Variants in NFKB1 observed in about 807,000 individuals in gnomAD.
NFKB1 encodes nuclear factor kappa B subunit 1, also known as nuclear factor NF-kappa-B p105 subunit.
NFKB1 carries 9 observed loss-of-function variants against 105.1 expected under a neutral mutation model. The ratio of observed to expected loss-of-function variants is 0.09; its 90% CI spans 0.05 to 0.15. The LOEUF is 0.15. Ranked by LOEUF, NFKB1 falls within the 10% of genes least tolerant of loss-of-function variation. The pLI, the probability that NFKB1 is intolerant of heterozygous loss-of-function variation, is 1.00. For synonymous variants in NFKB1, 440 were observed against 442.2 expected, an observed-to-expected ratio of 1.00 and a Z score of 0.06; for missense variants, 830 against 1,203.7, an observed-to-expected ratio of 0.69 and a Z score of 4.59.
intron 1 of NFKB1, among the ~76,000 whole-genome samples, chr4:102,509,373 A>G (rs757654770): frequency 1.3e-4 from 20 of 152,122 alleles, no homozygotes; most frequent in Non-Finnish European, 2.5e-4. Context: ...GTGGGGAAGT[A>G]TCCCATTTCT....
intron 5 of NFKB1, among the ~76,000 whole-genome samples, chr4:102,546,810 G>A (rs978834859): frequency 6.6e-6 from 1 of 152,174 alleles, no homozygotes. Context: ...CAGGCAGAGA[G>A]GTGATGAGGA....
chr4:102,588,273 T>C (rs1348471619), intron 11 of NFKB1, among the ~76,000 whole-genome samples: 1 of 152,078 alleles, frequency 6.6e-6, no homozygotes, highest in African/African-American at 2.4e-5. Flanking sequence ...TATACATAAA[T>C]ATAAAGCATC....
At chr4:102,503,539 T>C (rs1273525890) in intron 1 of NFKB1, 2 of 152,122 alleles carry the variant, frequency 1.3e-5, no homozygotes, top group Non-Finnish European at 2.9e-5. Context: ...ATCTATTATC[T>C]TTTTGCTGAA....
At position 102,601,899 on chromosome 4, in the gene NFKB1, G is replaced by C. The variant is rs560407107; in HGVS notation, c.1752+890G>C. ...GTCTTTCCCCTACTCCCACCAGTCT[G>C]CTGTATGGGGCTCCTGCCCTTGCCC... On this transcript the variant is annotated intron_variant, in intron 16 of 23. Transcript: ENST00000226574. Among the ~76,000 whole-genome samples the C allele has an allele frequency of 2.0e-5, 3 of 152,278 alleles. No homozygotes were observed. In the South Asian group the frequency reaches 6.2e-4, roughly 32 times the overall value.
chr4:102,538,015 T>C (rs1203254261), intron 5 of NFKB1, 59 bp downstream of exon 5: 4 of 1,046,754 alleles, frequency 3.8e-6, no homozygotes, highest in Non-Finnish European at 6.0e-6. Flanking sequence ...TTCCTACGAT[T>C]TCCAAGGAAT....
chr4:102,504,566 A>G (rs1226166573), intron 1 of NFKB1, among the ~76,000 whole-genome samples: 1 of 152,214 alleles, frequency 6.6e-6, no homozygotes, highest in Non-Finnish European at 1.5e-5. Context: ...CTGCTCCTAC[A>G]TCTACATTTG....
intron 1 of NFKB1, among the ~76,000 whole-genome samples, chr4:102,513,466 T>C (rs977611296): frequency 4.6e-5 from 7 of 152,322 alleles, no homozygotes; most frequent in Non-Finnish European, 2.9e-5. Context: ...TTTGATCTTA[T>C]GAATTTCAGT....
intron 11 of NFKB1, among the ~76,000 whole-genome samples, chr4:102,587,947 T>C (rs1387315237): frequency 6.6e-6 from 1 of 152,168 alleles, no homozygotes; most frequent in Non-Finnish European, 1.5e-5. Context: ...CATACATTTC[T>C]CAGAAGTCAT....
At chr4:102,607,584 G>C in intron 18 of NFKB1, 65 bp from the exon 19 acceptor site, 1 of 1,503,532 alleles carries the variant, frequency 6.7e-7, no homozygotes, top group Non-Finnish European at 9.3e-7. Flanking sequence ...ATGCACACTG[G>C]GAGGTGGGGA....
chr4:102,612,662 T>G, intron 22 of NFKB1, 56 bp downstream of exon 22: 1 of 1,501,744 alleles, frequency 6.7e-7, no homozygotes, highest in African/African-American at 1.4e-5. Flanking sequence ...TCTGTTAACA[T>G]CTCTGGCCAG....
intron 5 of NFKB1, among the ~76,000 whole-genome samples, chr4:102,559,311 G>A (rs1323417188): frequency 6.6e-6 from 1 of 152,116 alleles, no homozygotes; most frequent in East Asian, 1.9e-4. Flanking sequence ...ACACAGAATA[G>A]TATAATGAGC....
chr4:102,502,532 G>C (rs1369338619), intron 1 of NFKB1, among the ~76,000 whole-genome samples: 1 of 152,040 alleles, frequency 6.6e-6, no homozygotes, highest in Admixed American at 6.6e-5. Flanking sequence ...TTTTAGACTT[G>C]ATTATGTAAA....
chr4:102,550,208 G>A (rs1722469028), intron 5 of NFKB1, among the ~76,000 whole-genome samples: 2 of 151,960 alleles, frequency 1.3e-5, no homozygotes, highest in Non-Finnish European at 2.9e-5. Context: ...AGTCTTTCAT[G>A]CTAGCTCCTA....
At position 102,616,913 on chromosome 4, in the gene NFKB1, T is replaced by C. The variant is rs1047107764; in HGVS notation, c.*319T>C. On this transcript the variant is annotated 3_prime_UTR_variant, in exon 24 of 24. Transcript: ENST00000226574. Reference sequence around the variant, plus strand: ...TCTGTTGTCATTGCTGTTGTCCCTCTGCTACGTTCCTATTGTCATTAAAGG... The same window carrying C: ...TCTGTTGTCATTGCTGTTGTCCCTCCGCTACGTTCCTATTGTCATTAAAGG... 6 of 218,950 alleles carry C rather than the reference T, an allele frequency of 2.7e-5. No individual in the cohort carries two copies. The highest frequency in any genetic ancestry group is 1.3e-4 in the African/African-American group (6 of 44,502). The allele number at this position is 218,950 out of a possible 1,614,324, so 13.6% of individuals were successfully genotyped here.
chr4:102,540,659 A>G (rs890192572), intron 5 of NFKB1, among the ~76,000 whole-genome samples: 22 of 152,134 alleles, frequency 1.4e-4, no homozygotes, highest in Non-Finnish European at 1.9e-4. Flanking sequence ...TTAGCTTGTC[A>G]TTGTTCACTG....
intron 5 of NFKB1, among the ~76,000 whole-genome samples, chr4:102,552,380 T>C (rs1322193866): frequency 6.6e-6 from 1 of 152,146 alleles, no homozygotes; most frequent in Non-Finnish European, 1.5e-5. Flanking sequence ...CCCCAGGCGA[T>C]AGAGGTTTCA....
Position 102,596,349 on chromosome 4 carries a change from A to G in NFKB1, c.1495+17A>G. The G allele has an allele frequency of 6.3e-7, 1 of 1,580,568 alleles. No homozygotes were observed. On this transcript the variant is annotated intron_variant, in intron 14 of 23. Coordinates refer to ENST00000226574, the MANE Select transcript of NFKB1 (RefSeq NM_003998.4). ...GAGTTCAGGGTAAGTGAGCACACAA[A>G]TTACGTTCTGTTGGTTGGCTGGGGA...
At chr4:102,587,825 A>G (rs1725839210) in intron 11 of NFKB1, among the ~76,000 whole-genome samples, 1 of 152,202 alleles carries the variant, frequency 6.6e-6, no homozygotes, top group Admixed American at 6.5e-5. Flanking sequence ...AATAGGACCA[A>G]GGAGAAATAA....
At chr4:102,591,483 T>G (rs547453375) in intron 11 of NFKB1, among the ~76,000 whole-genome samples, 1 of 151,580 alleles carries the variant, frequency 6.6e-6, no homozygotes, top group East Asian at 1.9e-4. Context: ...GACTTTAAAT[T>G]GAAGCCAGTG....
Sources: allele counts gnomAD v4.1 joint callset (sites outside exome capture counted in the v4.1 genomes callset), GRCh38; gene constraint gnomAD v4.1.1; transcripts MANE v1.5; gene names NCBI Gene and HGNC (gene_info 2026-07-23, HGNC 2026-07-21).